The following BAIAP2 variants were observed in gnomAD, a reference collection of about 807,000 sequenced individuals.
BAIAP2 encodes BAR/IMD domain containing adaptor protein 2.
A neutral mutation model predicts 63.0 loss-of-function variants in BAIAP2; 18 were observed. The ratio of observed to expected loss-of-function variants is 0.29; its 90% CI spans 0.20 to 0.42. The LOEUF (loss-of-function observed/expected upper bound fraction) is 0.42, where lower values mean the gene tolerates loss of function less well. Ranked by LOEUF, BAIAP2 falls within the 10% of genes least tolerant of loss-of-function variation. BAIAP2 has a pLI of 1.00. For synonymous variants in BAIAP2, 386 were observed against 307.6 expected (o/e 1.25, Z -2.67); for missense variants, 610 against 734.3 (o/e 0.83, Z 1.96).
chr17:81,080,078 T>G lies in BAIAP2; in HGVS notation c.218-4754T>G, dbSNP rs548821973. Among the ~76,000 whole-genome samples, 23 of 152,346 alleles carry G rather than the reference T, an allele frequency of 1.5e-4. No individual in the cohort carries two copies. The South Asian group carries it at 3.9e-3, about 26-fold the overall frequency. On this transcript the variant is annotated intron_variant, in intron 3 of 13. Coordinates refer to ENST00000428708, the MANE Select transcript of BAIAP2 (RefSeq NM_001144888.2). ...ACAGGCAACCGCGGACAAGACTTAG[T>G]TGCTCAGCGGAACTCACTGCCCCTA...
chr17:81,073,993 A>C (rs1379156960), intron 3 of BAIAP2, among the ~76,000 whole-genome samples: 1 of 152,226 alleles, frequency 6.6e-6, no homozygotes, highest in Non-Finnish European at 1.5e-5. Flanking sequence ...AAAATGAGAG[A>C]GACTAAAGCC....
intron 3 of BAIAP2, among the ~76,000 whole-genome samples, chr17:81,060,224 A>G (rs1023363255): frequency 1.3e-5 from 2 of 152,192 alleles, no homozygotes. Flanking sequence ...TAGAGTGTAC[A>G]GTTCTGTGGC....
At chr17:81,062,550 C>T (rs2050746619) in intron 3 of BAIAP2, among the ~76,000 whole-genome samples, 2 of 152,198 alleles carry the variant, frequency 1.3e-5, no homozygotes, top group Admixed American at 6.5e-5. Flanking sequence ...TTTGGAGCCT[C>T]CCTGCTCCCT....
intron 2 of BAIAP2, among the ~76,000 whole-genome samples, chr17:81,057,012 A>C (rs1026616802): frequency 6.6e-6 from 1 of 152,278 alleles, no homozygotes; most frequent in Non-Finnish European, 1.5e-5. Flanking sequence ...CTTGTGCCGC[A>C]GAACAAATTG....
intron 1 of BAIAP2, among the ~76,000 whole-genome samples, chr17:81,038,419 G>C (rs1245568131): frequency 1.3e-5 from 2 of 152,250 alleles, no homozygotes; most frequent in East Asian, 3.9e-4. Flanking sequence ...TCTGGGCATA[G>C]TGCCATTGGC....
intron 1 of BAIAP2, among the ~76,000 whole-genome samples, chr17:81,040,567 A>T (rs11150765): frequency 6.6e-6 from 1 of 152,262 alleles, no homozygotes; most frequent in Non-Finnish European, 1.5e-5. Flanking sequence ...TCCTTTGGGC[A>T]TGGAACGGCG....
intron 2 of BAIAP2, chr17:81,056,407 A>G (rs2049567364): frequency 6.6e-6 from 1 of 152,068 alleles, no homozygotes; most frequent in Non-Finnish European, 1.5e-5. Context: ...TTCCAGAGCC[A>G]CTCGTCTGTG....
chr17:81,086,907 C>CT (rs1247205036), intron 6 of BAIAP2: 3 of 249,370 alleles, frequency 1.2e-5, no homozygotes, highest in African/African-American at 6.7e-5. Context: ...GTTTGTTCCT[C>CT]TAAGCGGTCG....
At chr17:81,086,704 T>C in intron 6 of BAIAP2, 124 bp downstream of exon 6, 1 of 1,173,324 alleles carries the variant, frequency 8.5e-7, no homozygotes, top group South Asian at 1.4e-5. Context: ...AGGCAGGCTG[T>C]GTGTCCCTGG....
chr17:81,049,997 G>A (rs2048408974), intron 1 of BAIAP2, among the ~76,000 whole-genome samples: 1 of 152,228 alleles, frequency 6.6e-6, no homozygotes, highest in African/African-American at 2.4e-5. Flanking sequence ...CCAGACGCCT[G>A]ACTGGAGATG....
Position 81,115,781 on chromosome 17 carries a change from C to T in BAIAP2, c.1547C>T (p.Ala516Val). ...TTTTTCTCTTTCAGGAATCCCTTTGCCCACGTCCAGCTGAAGCCGACAGTG... is the reference window on the plus strand; with the variant it reads ...TTTTTCTCTTTCAGGAATCCCTTTGTCCACGTCCAGCTGAAGCCGACAGTG... ...GARSMSRNPF[A>V]HVQLKPTVTN... The change falls in exon 14 of 14, where the codon GCC (alanine) becomes GTC (valine). Residue 516 changes from alanine to valine, a missense_variant. Physicochemically the swap from Ala to Val is moderately conservative, Grantham distance 64. Coordinates refer to ENST00000428708, the MANE Select transcript of BAIAP2 (RefSeq NM_001144888.2). The T allele has an allele frequency of 6.2e-7, 1 of 1,613,506 alleles. No individual in the cohort carries two copies.
At chr17:81,049,544 C>G (rs1459878416) in intron 1 of BAIAP2, among the ~76,000 whole-genome samples, 1 of 152,230 alleles carries the variant, frequency 6.6e-6, no homozygotes, top group Admixed American at 6.5e-5. Context: ...GATCTCCTCC[C>G]CATCCCCTGC....
intron 13 of BAIAP2, chr17:81,108,922 G>A (rs1209303819): frequency 5.2e-6 from 8 of 1,536,700 alleles, no homozygotes; most frequent in African/African-American, 1.4e-5. Flanking sequence ...CCTGTGGCTG[G>A]GCAGCGTCGT....
rs8068528 is a variant in BAIAP2 at position 81,035,261 on chromosome 17, C to T, written c.7C>T (p.Leu3=). The T allele has an allele frequency of 0.095, 144,026 of 1,518,538 alleles. 7,464 individuals carry two copies. The highest frequency in any genetic ancestry group is 0.17 in the East Asian group (6,235 of 35,990). 94.1% of individuals were successfully genotyped at this position (1,518,538 alleles called of 1,614,324 possible). A position where few individuals can be genotyped will look rare whatever the true frequency, so the allele number is the denominator to read the frequency against. The change falls in exon 1 of 14, where the codon CTG becomes TTG. Residue 3 remains leucine, a synonymous_variant. Coordinates refer to ENST00000428708, the MANE Select transcript of BAIAP2 (RefSeq NM_001144888.2). MS[L]SRSEEMHRLT... ...GCAGCCGGGACCCAGGACCATGTCT[C>T]TGTCTCGCTCAGAGGAGATGCACCG...
chr17:81,098,256 G>A (rs1283256220), intron 6 of BAIAP2: 4 of 1,229,016 alleles, frequency 3.3e-6, no homozygotes, highest in Non-Finnish European at 4.1e-6. Flanking sequence ...TGCCCAGGAT[G>A]GGAGCACAGT....
intron 1 of BAIAP2, among the ~76,000 whole-genome samples, chr17:81,048,206 G>A (rs1283011683): frequency 6.6e-6 from 1 of 152,116 alleles, no homozygotes. Flanking sequence ...CCAACATGGT[G>A]AAACCCCGTC....
At chr17:81,113,507 G>C (rs2060148315) in intron 13 of BAIAP2, among the ~76,000 whole-genome samples, 1 of 152,176 alleles carries the variant, frequency 6.6e-6, no homozygotes. Context: ...GTCTTTCCCA[G>C]ACAGCTGGGG....
intron 1 of BAIAP2, among the ~76,000 whole-genome samples, chr17:81,048,786 A>G (rs966429036): frequency 6.6e-6 from 1 of 151,954 alleles, no homozygotes; most frequent in Admixed American, 6.5e-5. Flanking sequence ...CAAGGCCTGG[A>G]TTCCATGCGA....
At chr17:81,035,443 C>A in intron 1 of BAIAP2, 135 bp downstream of exon 1, 1 of 384,920 alleles carries the variant, frequency 2.6e-6, no homozygotes, top group Non-Finnish European at 3.6e-6. Context: ...GGGGGTCTTC[C>A]CGGCGCGGCC....
Sources: allele counts gnomAD v4.1 joint callset (sites outside exome capture counted in the v4.1 genomes callset), GRCh38; gene constraint gnomAD v4.1.1; transcripts MANE v1.5; gene names NCBI Gene and HGNC (gene_info 2026-07-23, HGNC 2026-07-21).